Variants in DMGDH observed in about 807,000 individuals in gnomAD.
The protein encoded by DMGDH is dimethylglycine dehydrogenase.
DMGDH carries 76 observed loss-of-function variants against 95.2 expected under a neutral mutation model. The observed-to-expected ratio is 0.80, with a 90% confidence interval of 0.66 to 0.97. The LOEUF (loss-of-function observed/expected upper bound fraction) is 0.97, where lower values mean the gene tolerates loss of function less well. DMGDH is among the 50% of genes least tolerant of loss of function. The pLI is 0.00. For missense variants in DMGDH, 987 were observed against 1,055.0 expected (o/e 0.94, Z 0.89); for synonymous variants, 345 against 377.6 (o/e 0.91, Z 1.00).
At chr5:79,017,138 G>T (rs1030091854) in intron 14 of DMGDH, among the ~76,000 whole-genome samples, 32 of 152,054 alleles carry the variant, frequency 2.1e-4, no homozygotes, top group African/African-American at 6.5e-4. Flanking sequence ...ATTAGGCAAA[G>T]ATTTCCTAGA....
chr5:79,058,640 G>A (rs966627325), intron 2 of DMGDH, among the ~76,000 whole-genome samples: 1 of 152,162 alleles, frequency 6.6e-6, no homozygotes, highest in Admixed American at 6.5e-5. Context: ...AAAAGTGATT[G>A]TAGCTGGTAG....
intron 14 of DMGDH, chr5:79,020,677 T>TA: frequency 1.0e-6 from 1 of 979,584 alleles, no homozygotes; most frequent in Non-Finnish European, 1.2e-6. Context: ...TTATGTTTAA[T>TA]AGAGATTACA....
At chr5:79,008,607 G>C (rs1299347752) in intron 14 of DMGDH, among the ~76,000 whole-genome samples, 1 of 152,118 alleles carries the variant, frequency 6.6e-6, no homozygotes, top group Non-Finnish European at 1.5e-5. Flanking sequence ...AGCTATTGGG[G>C]CAGAGCTAGG....
At chr5:79,038,512 C>T (rs58453764) in intron 7 of DMGDH, among the ~76,000 whole-genome samples, 14,358 of 151,808 alleles carry the variant, frequency 0.095, 1,662 homozygotes, top group African/African-American at 0.27. Flanking sequence ...GTATAGTAGT[C>T]GCATAAGAAT....
chr5:79,005,369 A>G lies in DMGDH; in HGVS notation c.2289T>C (p.Ile763=). 1 of 1,614,038 alleles carries G rather than the reference A, an allele frequency of 6.2e-7. No homozygotes were observed. Among genetic ancestry groups the G allele is most frequent in the Non-Finnish European group, 8.5e-7 (1 of 1,179,996 alleles). ...DFIGKQALKQ[I]KAKGLKRRLV... is the part of the protein sequence containing the mutation. ...GTCTTCGTTTCAGCCCCTTGGCTTT[A>G]ATCTGTTTCAGTGCTTGCTTTCCTA... Residue 763 remains isoleucine (I), a synonymous_variant, in exon 15 of 16, where the codon ATT becomes ATC. Coordinates refer to ENST00000255189, the MANE Select transcript of DMGDH (RefSeq NM_013391.3).
At chr5:79,052,462 G>A (rs916513844) in intron 4 of DMGDH, among the ~76,000 whole-genome samples, 6 of 152,196 alleles carry the variant, frequency 3.9e-5, no homozygotes, top group East Asian at 1.9e-4. Context: ...TTTTGATTAC[G>A]AATTCAATCC....
intron 5 of DMGDH, among the ~76,000 whole-genome samples, chr5:79,050,250 A>AT (rs1754804953): frequency 2.5e-5 from 2 of 81,488 alleles, no homozygotes; most frequent in African/African-American, 1.0e-4. Flanking sequence ...CTTTGTCTCA[A>AT]AAAAAAAAAA....
chr5:79,007,384 G>A (rs1313143909), intron 14 of DMGDH, among the ~76,000 whole-genome samples: 1 of 152,140 alleles, frequency 6.6e-6, no homozygotes, highest in Non-Finnish European at 1.5e-5. Context: ...ATATGGGTTG[G>A]TGGTTCTTGA....
rs877052 is a variant in DMGDH, at chr5:78,998,148, T to C, written c.2535A>G (p.Glu845=). The C allele has an allele frequency of 1.3e-3, 2,161 of 1,614,196 alleles. 24 individuals are homozygous for C. The African/African-American group carries it at 0.026, about 20-fold the overall frequency. Residue 845 remains glutamate, a synonymous_variant, in exon 16 of 16, where the codon GAA becomes GAG. Transcript: ENST00000255189. ...TGGTTGGTTCGGTCAATACCAAAGG[T>C]TCTTGTATGATGACTGCTGGGTAAT... ...GKNYPAVIIQ[E]PLVLTEPTRN...
At chr5:79,028,302 G>GT in intron 12 of DMGDH, 131 bp downstream of exon 12, 1 of 770,528 alleles carries the variant, frequency 1.3e-6, no homozygotes, top group Non-Finnish European at 2.1e-6. Context: ...ATGGACAAAA[G>GT]TGAGTGTGAG....
intron 13 of DMGDH, 36 bp from the exon 14 acceptor site, chr5:79,024,366 G>C: frequency 1.3e-6 from 2 of 1,564,458 alleles, no homozygotes; most frequent in African/African-American, 1.4e-5. Context: ...TCTTAGATGA[G>C]TGCAAGTCAT....
chr5:79,046,002 G>A (rs559318481), intron 5 of DMGDH, among the ~76,000 whole-genome samples: 7 of 152,260 alleles, frequency 4.6e-5, no homozygotes, highest in South Asian at 2.1e-4. Flanking sequence ...ATCCAGAAAC[G>A]GGTACCCATT....
intron 12 of DMGDH, among the ~76,000 whole-genome samples, chr5:79,026,838 A>G (rs1754016980): frequency 6.6e-6 from 1 of 152,160 alleles, no homozygotes; most frequent in African/African-American, 2.4e-5. Context: ...TGACACAGAA[A>G]GACTATAATA....
At chr5:78,998,395 A>T in intron 15 of DMGDH, 98 bp from the exon 16 acceptor site, 1 of 1,236,418 alleles carries the variant, frequency 8.1e-7, no homozygotes, top group Non-Finnish European at 1.2e-6. Context: ...TCAACTTACA[A>T]AATGGAAGTT....
At position 79,033,408 on chromosome 5, in the gene DMGDH, T is replaced by G; in HGVS notation, c.1194A>C (p.Gly398=). The G allele has an allele frequency of 1.2e-6, 2 of 1,614,126 alleles. No homozygotes were observed. Among genetic ancestry groups the G allele is most frequent in the Non-Finnish European group, 1.7e-6 (2 of 1,180,026 alleles). ...CCCCACCAGCGTGGATTATGCCATA[T>G]CTTTCAAATACAGGGATAGAAAACC... ...VRNYWVAIGF[G]YGIIHAGGVG... The change falls in exon 8 of 16, where the codon GGA becomes GGC. Residue 398 remains glycine, a splice_region_variant and synonymous_variant. Coordinates refer to ENST00000255189, the MANE Select transcript of DMGDH (RefSeq NM_013391.3).
chr5:79,039,702 TATAATAATAATAATAA>T (rs973524429), intron 7 of DMGDH, among the ~76,000 whole-genome samples: 10 of 151,684 alleles, frequency 6.6e-5, no homozygotes, highest in African/African-American at 1.7e-4. Flanking sequence ...AAACTTAAAG[TATAATAATAATAATAA>T]ATAATAATAA....
chr5:79,020,487 A>T (rs1753836614), intron 14 of DMGDH, among the ~76,000 whole-genome samples: 1 of 152,176 alleles, frequency 6.6e-6, no homozygotes, highest in Admixed American at 6.5e-5. Context: ...TAGCACTCTG[A>T]TGTTTTAATA....
Position 79,005,399 on chromosome 5 carries a change from G to A in DMGDH, c.2259C>T (p.Asp753=), listed in dbSNP as rs1753527882. The A allele has an allele frequency of 6.2e-7, 1 of 1,614,124 alleles. No homozygotes were observed. The highest frequency in any genetic ancestry group is 8.5e-7 in the Non-Finnish European group (1 of 1,180,016). Residue 753 remains aspartate (D), a synonymous_variant, in exon 15 of 16, where the codon GAC becomes GAT. Transcript: ENST00000255189. ...GTTTCAGTGCTTGCTTTCCTATGAA[G>A]TCTGCTGGCTGCAGGAATCCAAGAT... ...EYFVKLNKPA[D]FIGKQALKQI... is the part of the protein sequence containing the mutation.
intron 8 of DMGDH, 112 bp downstream of exon 8, chr5:79,033,127 G>A: frequency 7.5e-7 from 1 of 1,339,774 alleles, no homozygotes; most frequent in Non-Finnish European, 1.1e-6. Context: ...ATGCTTTTTG[G>A]AGTCCCTAAC....
Sources: allele counts gnomAD v4.1 joint callset (sites outside exome capture counted in the v4.1 genomes callset), GRCh38; gene constraint gnomAD v4.1.1; transcripts MANE v1.5; gene names NCBI Gene and HGNC (gene_info 2026-07-23, HGNC 2026-07-21).